WDR41: variants seen among roughly 807,000 people sequenced by gnomAD.
WDR41 encodes the protein WD repeat-containing protein 41.
WDR41 carries 63 observed loss-of-function variants against 69.3 expected under a neutral mutation model. That is an observed-to-expected ratio of 0.91 (90% CI 0.74 to 1.12). The LOEUF is 1.12. Among genes scored for constraint, WDR41 ranks in the 50% most tolerant of loss-of-function variants. WDR41 has a pLI of 0.00. For missense variants in WDR41, 543 were observed against 534.5 expected (o/e 1.02, Z -0.16); for synonymous variants, 185 against 192.1 (o/e 0.96, Z 0.31).
At chr5:77,512,650 T>C (rs985356553) in intron 1 of WDR41, among the ~76,000 whole-genome samples, 1 of 148,674 alleles carries the variant, frequency 6.7e-6, no homozygotes, top group Non-Finnish European at 1.5e-5. Flanking sequence ...CTCAGGAGGC[T>C]GAGGAGAATC....
chr5:77,445,240 T>A (rs147424994), intron 8 of WDR41, among the ~76,000 whole-genome samples: 29 of 152,224 alleles, frequency 1.9e-4, no homozygotes, highest in African/African-American at 5.3e-4. Flanking sequence ...AGAAGTCGAA[T>A]CCCTGAATAG....
intron 1 of WDR41, among the ~76,000 whole-genome samples, chr5:77,530,600 G>A (rs1802513146): frequency 6.6e-6 from 1 of 151,660 alleles, no homozygotes; most frequent in Admixed American, 6.6e-5. Context: ...TCTACTCTTG[G>A]GAGTTTGGGA....
At chr5:77,513,999 C>A (rs1802249937) in intron 1 of WDR41, among the ~76,000 whole-genome samples, 1 of 151,920 alleles carries the variant, frequency 6.6e-6, no homozygotes, top group Non-Finnish European at 1.5e-5. Context: ...CTTCTTTGTA[C>A]TCTAAGAGTC....
At chr5:77,592,259 A>AT (rs1264632446) in intron 1 of WDR41, among the ~76,000 whole-genome samples, 1 of 152,072 alleles carries the variant, frequency 6.6e-6, no homozygotes, top group Admixed American at 6.6e-5. Flanking sequence ...ATATAGTTAG[A>AT]TTTTTTTAAA....
chr5:77,515,714 T>C (rs1252693419), intron 1 of WDR41, among the ~76,000 whole-genome samples: 1 of 152,210 alleles, frequency 6.6e-6, no homozygotes, highest in Non-Finnish European at 1.5e-5. Flanking sequence ...ATCTCCACTG[T>C]AATCTTATGG....
chr5:77,533,832 C>T (rs1484677040), intron 1 of WDR41, among the ~76,000 whole-genome samples: 3 of 152,012 alleles, frequency 2.0e-5, no homozygotes, highest in Admixed American at 2.0e-4. Context: ...TTCCGGGCTC[C>T]CTTTGCAGGG....
At chr5:77,462,720 A>G (rs748731220) in intron 4 of WDR41, among the ~76,000 whole-genome samples, 8 of 152,164 alleles carry the variant, frequency 5.3e-5, no homozygotes, top group South Asian at 2.1e-4. Flanking sequence ...TATAGTGGGG[A>G]AAAAAAATGT....
At chr5:77,606,762 C>A (rs1273066729) in intron 1 of WDR41, among the ~76,000 whole-genome samples, 2 of 151,626 alleles carry the variant, frequency 1.3e-5, no homozygotes, top group Non-Finnish European at 2.9e-5. Context: ...ATGATTGTGC[C>A]ACTGCATTCC....
chr5:77,449,875 A>C lies in WDR41; in HGVS notation c.587-5T>G, dbSNP rs1799554142. The C allele has an allele frequency of 6.3e-7, 1 of 1,587,744 alleles. No individual in the cohort carries two copies. The highest frequency in any genetic ancestry group is 8.6e-7 in the Non-Finnish European group (1 of 1,157,142). On this transcript the variant is annotated splice_polypyrimidine_tract_variant and splice_region_variant and intron_variant, in intron 7 of 12. Transcript: ENST00000296679. ...GTGCTACCAACCTGAAAATTACTAAATGAAAAAGACAGATAAAATTTTATT... is the reference window on the plus strand; with the variant it reads ...GTGCTACCAACCTGAAAATTACTAACTGAAAAAGACAGATAAAATTTTATT...
Position 77,451,356 on chromosome 5 carries a change from C to A in WDR41, c.524-3G>T. The A allele has an allele frequency of 1.2e-6, 2 of 1,611,932 alleles. No individual in the cohort carries two copies. Among genetic ancestry groups the A allele is most frequent in the Non-Finnish European group, 1.7e-6 (2 of 1,178,986 alleles). On this transcript the variant is annotated splice_region_variant and splice_polypyrimidine_tract_variant and intron_variant, in intron 6 of 12. Coordinates refer to ENST00000296679, the MANE Select transcript of WDR41 (RefSeq NM_018268.4). ...TATTTCAACCAAAGCACTAATACCT[C>A]CAAAAACATATAAAACAAAGTTCAA...
At chr5:77,580,151 T>C (rs1428226542) in intron 1 of WDR41, among the ~76,000 whole-genome samples, 2 of 152,114 alleles carry the variant, frequency 1.3e-5, no homozygotes, top group Non-Finnish European at 2.9e-5. Flanking sequence ...GATAAGTAAA[T>C]GTGTATATGG....
intron 8 of WDR41, among the ~76,000 whole-genome samples, chr5:77,447,656 A>T (rs163016): frequency 0.51 from 76,800 of 151,976 alleles, 19,828 homozygotes; most frequent in African/African-American, 0.59. Context: ...TTCTCAGCAA[A>T]CTAACACAGG....
chr5:77,474,513 CCAGATA>C (rs1800798773), intron 2 of WDR41, among the ~76,000 whole-genome samples: 1 of 152,094 alleles, frequency 6.6e-6, no homozygotes, highest in South Asian at 2.1e-4. Context: ...AGAGAAGCAT[CCAGATA>C]GGGACTTGTA....
chr5:77,590,511 C>G (rs964504316), intron 1 of WDR41, among the ~76,000 whole-genome samples: 1 of 152,172 alleles, frequency 6.6e-6, no homozygotes, highest in Admixed American at 6.5e-5. Flanking sequence ...GGGCTTCCCA[C>G]AGATACCTTT....
At chr5:77,435,980 A>T (rs1444100625) in intron 12 of WDR41, among the ~76,000 whole-genome samples, 1 of 152,202 alleles carries the variant, frequency 6.6e-6, no homozygotes, top group African/African-American at 2.4e-5. Context: ...TATAGTCAAC[A>T]TTATTCACAC....
chr5:77,594,361 A>C (rs1744187753), intron 1 of WDR41, among the ~76,000 whole-genome samples: 1 of 152,060 alleles, frequency 6.6e-6, no homozygotes, highest in African/African-American at 2.4e-5. Context: ...ACATGTATAC[A>C]TATGTAACAA....
chr5:77,601,266 A>G (rs1022111883), intron 1 of WDR41, among the ~76,000 whole-genome samples: 10 of 152,200 alleles, frequency 6.6e-5, no homozygotes, highest in African/African-American at 2.2e-4. Flanking sequence ...TTGACCCTTT[A>G]TTAAATTTTT....
chr5:77,594,447 TA>T lies in WDR41; in HGVS notation c.42+26031del, dbSNP rs1168810208. Among the ~76,000 whole-genome samples, 6 of 151,650 alleles carry T rather than the reference TA, an allele frequency of 4.0e-5. No individual in the cohort carries two copies. The South Asian group carries it at 1.0e-3, about 26-fold the overall frequency. ...GTATATATAAAAAATAAAAAAGAAATAAAAAAAGAAAATAAATAATTAAATA... is the reference window on the plus strand; with the variant it reads ...GTATATATAAAAAATAAAAAAGAAATAAAAAAGAAAATAAATAATTAAATA... On this transcript the variant is annotated intron_variant, in intron 1 of 5. Transcript: ENST00000509971.
chr5:77,436,145 C>A, intron 12 of WDR41, 116 bp downstream of exon 12: 1 of 1,356,274 alleles, frequency 7.4e-7, no homozygotes, highest in Non-Finnish European at 9.9e-7. Context: ...TCAGATCTGA[C>A]AAACACCTAC....
Sources: gnomAD v4.1 joint callset for allele counts (sites outside exome capture counted in the v4.1 genomes callset) on GRCh38, gnomAD v4.1.1 for gene constraint, MANE v1.5 for transcripts, NCBI Gene and HGNC (gene_info 2026-07-23, HGNC 2026-07-21) for gene names.